CEP170: variants seen among roughly 807,000 people sequenced by gnomAD.
CEP170 encodes centrosomal protein 170.
In CEP170, 21 loss-of-function variants were observed where a neutral mutation model predicts 151.9. The ratio of observed to expected loss-of-function variants is 0.14; its 90% CI spans 0.10 to 0.20. The LOEUF (loss-of-function observed/expected upper bound fraction) is 0.20. Ranked by LOEUF, CEP170 falls within the 10% of genes least tolerant of loss-of-function variation. The pLI, the probability that CEP170 is intolerant of heterozygous loss-of-function variation, is 1.00. For synonymous variants in CEP170, 356 were observed against 648.8 expected (o/e 0.55, Z 6.86); for missense variants, 964 against 1,892.9 (o/e 0.51, Z 9.11).
intron 3 of CEP170, among the ~76,000 whole-genome samples, chr1:243,215,639 T>C (rs558574474): frequency 3.9e-5 from 6 of 152,194 alleles, no homozygotes; most frequent in Non-Finnish European, 8.8e-5. Context: ...ATGTTATCAA[T>C]GACAATGCGT....
At position 243,207,872 on chromosome 1, in the gene CEP170, G is replaced by C. The variant is rs2061525528; in HGVS notation, c.274+4014C>G. ...CTAAACACCAGTATTAGAAAAGAAA[G>C]GTCTCAACTGAATGACCTCAGCTCC... On this transcript the variant is annotated intron_variant, in intron 4 of 19. Coordinates refer to ENST00000366542, the MANE Select transcript of CEP170 (RefSeq NM_014812.3). Among the ~76,000 whole-genome samples, 4 of 150,820 alleles carry C rather than the reference G, an allele frequency of 2.7e-5. No individual in the cohort carries two copies. The South Asian group carries it at 8.5e-4, about 32-fold the overall frequency.
In CEP170 at chr1:243,199,143, C is replaced by A; in HGVS notation, c.548G>T (p.Trp183Leu). 2 of 1,612,126 alleles carry A rather than the reference C, an allele frequency of 1.2e-6. No homozygotes were observed. The highest frequency in any genetic ancestry group is 1.7e-6 in the Non-Finnish European group (2 of 1,178,830). The change falls in exon 7 of 20, where the codon TGG becomes TTG. Residue 183 changes from tryptophan to leucine, a missense_variant. By Grantham distance (61) the Trp-to-Leu change is moderately conservative (BLOSUM62 -2). Coordinates refer to ENST00000366542, the MANE Select transcript of CEP170 (RefSeq NM_014812.3). The part of the protein sequence containing the change: ...GTPLYGQPSW[W>L]GDDEVDEKRA... ...TTTTTCATCCACCTCATCATCCCCC[C>A]ACCATGACGGCTGCCCATATAATGG...
chr1:243,221,607 G>T (rs1440763457), intron 3 of CEP170, 117 bp downstream of exon 3: 1 of 1,049,990 alleles, frequency 9.5e-7, no homozygotes, highest in South Asian at 1.7e-5. Context: ...ATAAGCATTT[G>T]AAAATAACAT....
At chr1:243,170,370 C>T (rs868842169) in intron 11 of CEP170, among the ~76,000 whole-genome samples, 14 of 150,914 alleles carry the variant, frequency 9.3e-5, no homozygotes, top group Middle Eastern at 6.9e-3. Context: ...GGCAACAGAG[C>T]GAGACTTCGT....
chr1:243,191,313 A>T lies in CEP170; in HGVS notation c.813T>A (p.His271Gln), dbSNP rs972747011. 64 of 1,613,154 alleles carry T rather than the reference A, an allele frequency of 4.0e-5. No individual in the cohort carries two copies. Among genetic ancestry groups the T allele is most frequent in the Non-Finnish European group, 5.3e-5 (62 of 1,179,604 alleles). ...ATGAAGCATGCCCTGCACCTGTTAT[A>T]TGGGAACTTGGCGTGTCTTTTGTTG... ...EIPTKDTPSS[H>Q]ITGAGHASFT... Residue 271 changes from histidine (H) to glutamine (Q), a missense_variant, in exon 8 of 20, where the codon CAT (histidine) becomes CAA (glutamine). Coordinates refer to ENST00000366542, the MANE Select transcript of CEP170 (RefSeq NM_014812.3).
chr1:243,237,505 T>A (rs2064359474), intron 1 of CEP170, among the ~76,000 whole-genome samples: 1 of 152,194 alleles, frequency 6.6e-6, no homozygotes, highest in Non-Finnish European at 1.5e-5. Context: ...ACTTATAGTA[T>A]ATAAACATGC....
At chr1:243,168,346 T>G (rs1455895831) in intron 12 of CEP170, 6 of 151,996 alleles carry the variant, frequency 3.9e-5, no homozygotes, top group Non-Finnish European at 8.8e-5. Context: ...CGGAATGAAA[T>G]TAAGAAAACA....
intron 10 of CEP170, among the ~76,000 whole-genome samples, chr1:243,184,688 T>C (rs1363400778): frequency 6.6e-6 from 1 of 152,050 alleles, no homozygotes; most frequent in African/African-American, 2.4e-5. Context: ...AAAATAAAAG[T>C]AAACATTAAG....
At chr1:243,221,281 C>A (rs1447897681) in intron 3 of CEP170, among the ~76,000 whole-genome samples, 1 of 152,216 alleles carries the variant, frequency 6.6e-6, no homozygotes, top group Non-Finnish European at 1.5e-5. Flanking sequence ...CCTCGGCCTC[C>A]CAAAGGGCTG....
chr1:243,206,648 AAAAATATGTATTTT>A (rs2061438928), intron 4 of CEP170, among the ~76,000 whole-genome samples: 1 of 152,226 alleles, frequency 6.6e-6, no homozygotes, highest in Non-Finnish European at 1.5e-5. Context: ...CAATGGGTAT[AAAAATATGTATTTT>A]AAAATATGTA....
rs540156860 is a variant in CEP170 at position 243,129,654 on chromosome 1, T to C, written c.4320-201A>G. On this transcript the variant is annotated intron_variant, in intron 17 of 19. Coordinates refer to ENST00000366542, the MANE Select transcript of CEP170 (RefSeq NM_014812.3). Reference sequence around the variant, plus strand: ...TGAGCTCCAATTGAATGCTTATTAATACATGCATAAATTCTTTACTGTTTA... The same window carrying C: ...TGAGCTCCAATTGAATGCTTATTAACACATGCATAAATTCTTTACTGTTTA... 2.9e-3 allele frequency among the ~76,000 whole-genome samples: 439 copies of C among 152,266 alleles called. 2 individuals carry two copies. The highest frequency in any genetic ancestry group is 4.7e-3 in the Non-Finnish European group (322 of 67,968).
chr1:243,250,304 G>A (rs1050162220), intron 1 of CEP170, among the ~76,000 whole-genome samples: 1 of 152,194 alleles, frequency 6.6e-6, no homozygotes, highest in Non-Finnish European at 1.5e-5. Flanking sequence ...AAAAAGCCAG[G>A]AAGGAAAGCT....
At chr1:243,137,594 G>T (rs1389977350) in intron 16 of CEP170, among the ~76,000 whole-genome samples, 1 of 152,042 alleles carries the variant, frequency 6.6e-6, no homozygotes, top group Non-Finnish European at 1.5e-5. Flanking sequence ...GGCCAACATG[G>T]TGAAACCCCA....
intron 1 of CEP170, among the ~76,000 whole-genome samples, chr1:243,226,727 C>A (rs901001634): frequency 6.6e-6 from 1 of 152,156 alleles, no homozygotes; most frequent in Non-Finnish European, 1.5e-5. Flanking sequence ...CAGTGGCTCA[C>A]GCCGGTAATC....
intron 4 of CEP170, among the ~76,000 whole-genome samples, chr1:243,205,090 A>C (rs1412384582): frequency 1.3e-5 from 2 of 152,206 alleles, no homozygotes; most frequent in Non-Finnish European, 2.9e-5. Context: ...TAATCCAGAC[A>C]GAGCCTGGCA....
At chr1:243,213,729 A>G (rs1375310769) in intron 3 of CEP170, among the ~76,000 whole-genome samples, 1 of 152,146 alleles carries the variant, frequency 6.6e-6, no homozygotes, top group East Asian at 1.9e-4. Flanking sequence ...TGGGGTTCTG[A>G]GACAGGGTCT....
At chr1:243,238,852 G>A (rs1019669231) in intron 1 of CEP170, among the ~76,000 whole-genome samples, 2 of 152,194 alleles carry the variant, frequency 1.3e-5, no homozygotes, top group Admixed American at 1.3e-4. Context: ...ATGATCTCTA[G>A]TATTGCTATC....
chr1:243,192,925 AAG>A (rs2060403636), intron 7 of CEP170, among the ~76,000 whole-genome samples: 1 of 152,048 alleles, frequency 6.6e-6, no homozygotes. Flanking sequence ...ACACAAGGCA[AAG>A]AGAACATATA....
chr1:243,179,159 T>C (rs902079011), intron 10 of CEP170, among the ~76,000 whole-genome samples: 7 of 152,248 alleles, frequency 4.6e-5, no homozygotes, highest in African/African-American at 1.7e-4. Context: ...CATCACTTCC[T>C]ACATCTTTCT....
Sources: gnomAD v4.1 joint callset for allele counts (sites outside exome capture counted in the v4.1 genomes callset) on GRCh38, gnomAD v4.1.1 for gene constraint, MANE v1.5 for transcripts, NCBI Gene and HGNC (gene_info 2026-07-23, HGNC 2026-07-21) for gene names.